Variants in SGMS1 observed in about 807,000 individuals in gnomAD.
The protein encoded by SGMS1 is phosphatidylcholine:ceramide cholinephosphotransferase 1.
SGMS1 carries 13 observed loss-of-function variants against 46.2 expected under a neutral mutation model. The observed-to-expected ratio is 0.28, with a 90% CI of 0.18 to 0.45. The LOEUF (loss-of-function observed/expected upper bound fraction) is 0.45, where lower values mean the gene tolerates loss of function less well. Ranked by LOEUF, SGMS1 falls within the 20% of genes least tolerant of loss-of-function variation. SGMS1 has a pLI of 1.00. For missense variants in SGMS1, 324 were observed against 519.9 expected (o/e 0.62, Z 3.66); for synonymous variants, 203 against 187.8 (o/e 1.08, Z -0.66).
intron 6 of SGMS1, among the ~76,000 whole-genome samples, chr10:50,398,071 T>C (rs1287240890): frequency 1.3e-5 from 2 of 152,222 alleles, no homozygotes; most frequent in African/African-American, 4.8e-5. Context: ...TTTTAGTATA[T>C]AGTTAATATC....
rs1847546975 is a variant in SGMS1 at position 50,327,258 on chromosome 10, T to C, written c.688A>G (p.Met230Val). 1.2e-6 allele frequency: 2 copies of C among 1,610,394 alleles called. No homozygotes were observed. The highest frequency in any genetic ancestry group is 1.3e-5 in the African/African-American group (1 of 74,828). ...GGTACTGGGAGTGTAGTTACATACA[T>C]TGTAATACACCGATACAGGTACAGC... ...GTLYLYRCITMYVTTLPVPGM... is the reference protein window; with the variant it reads ...GTLYLYRCITVYVTTLPVPGM... Residue 230 changes from methionine to valine, a missense_variant, in exon 8 of 11, where the codon ATG (methionine) becomes GTG (valine). Physicochemically the swap from Met to Val is conservative, Grantham distance 21. Coordinates refer to ENST00000361781, the MANE Select transcript of SGMS1 (RefSeq NM_147156.4).
At position 50,344,234 on chromosome 10, in the gene SGMS1, A is replaced by C. The variant is rs926153403; in HGVS notation, c.-120T>G. The C allele has an allele frequency of 3.6e-6, 5 of 1,374,492 alleles. No individual in the cohort carries two copies. The highest frequency in any genetic ancestry group is 4.9e-6 in the Non-Finnish European group (5 of 1,029,376). 85.1% of individuals were successfully genotyped at this position (1,374,492 alleles called of 1,614,324 possible). ...TCATCCTGTGGGGCCTCATGAGCAG[A>C]GACTTGTTTGGCAAGATGGTCAGGG... is the stretch of plus-strand genomic sequence containing the variant. On this transcript the variant is annotated 5_prime_UTR_variant, in exon 7 of 11. Transcript: ENST00000361781.
intron 6 of SGMS1, among the ~76,000 whole-genome samples, chr10:50,351,747 C>T (rs150294650): frequency 0.019 from 2,943 of 152,246 alleles, 113 homozygotes; most frequent in African/African-American, 0.067. Flanking sequence ...ACTGTAAGTC[C>T]AATTAAATAT....
At chr10:50,308,449 G>A (rs182240093) in intron 9 of SGMS1, among the ~76,000 whole-genome samples, 28 of 152,142 alleles carry the variant, frequency 1.8e-4, no homozygotes, top group African/African-American at 4.6e-4. Flanking sequence ...ATCATGTTTC[G>A]TTTTTAAAAA....
At chr10:50,385,657 C>T (rs10825837) in intron 6 of SGMS1, among the ~76,000 whole-genome samples, 4,109 of 149,896 alleles carry the variant, frequency 0.027, 89 homozygotes, top group East Asian at 0.059. Context: ...GATCTGATTA[C>T]AAAAAAAAAG....
chr10:50,313,555 AT>A (rs980225236), intron 8 of SGMS1, among the ~76,000 whole-genome samples: 25 of 152,102 alleles, frequency 1.6e-4, no homozygotes, highest in African/African-American at 5.3e-4. Context: ...AAACATTATA[AT>A]TTTTTTTAAA....
At chr10:50,554,644 C>T (rs1210076862) in intron 2 of SGMS1, among the ~76,000 whole-genome samples, 1 of 152,058 alleles carries the variant, frequency 6.6e-6, no homozygotes. Context: ...GGGGCTGGCC[C>T]CACCACAGCT....
At chr10:50,615,742 G>A (rs1838790728) in intron 1 of SGMS1, among the ~76,000 whole-genome samples, 1 of 152,250 alleles carries the variant, frequency 6.6e-6, no homozygotes, top group African/African-American at 2.4e-5. Context: ...ATTCTACTTG[G>A]TTTCTCCAGC....
chr10:50,575,538 T>C (rs975673189), intron 2 of SGMS1, among the ~76,000 whole-genome samples: 1 of 152,168 alleles, frequency 6.6e-6, no homozygotes, highest in Non-Finnish European at 1.5e-5. Flanking sequence ...AGTGAGATGC[T>C]GTTTCAAAAA....
At chr10:50,333,781 C>A (rs531995481) in intron 7 of SGMS1, among the ~76,000 whole-genome samples, 1 of 152,318 alleles carries the variant, frequency 6.6e-6, no homozygotes, top group East Asian at 1.9e-4. Context: ...GGTACCCATA[C>A]AGGGTAGATG....
intron 3 of SGMS1, among the ~76,000 whole-genome samples, chr10:50,488,320 C>A (rs1342690390): frequency 6.6e-6 from 1 of 151,894 alleles, no homozygotes; most frequent in Non-Finnish European, 1.5e-5. Context: ...CGGCCTATTT[C>A]CTGATTCTTA....
chr10:50,587,631 A>ATGTG (rs1415958432), intron 2 of SGMS1, among the ~76,000 whole-genome samples: 10,687 of 118,084 alleles, frequency 0.091, 572 homozygotes, highest in South Asian at 0.11. Context: ...CTCAAAATAT[A>ATGTG]TATGTGTGTG....
Position 50,307,026 on chromosome 10 carries a change from G to C in SGMS1, c.*116C>G. The C allele has an allele frequency of 9.6e-7, 1 of 1,043,956 alleles. No homozygotes were observed. The highest frequency in any genetic ancestry group is 3.1e-4 in the Middle Eastern group (1 of 3,180). 64.7% of individuals were successfully genotyped at this position (1,043,956 alleles called of 1,614,324 possible). ...CTGACCAGGTAACTCAATAGGTTAA[G>C]TCAAGGTAACCATTGAAAGATAATA... On this transcript the variant is annotated 3_prime_UTR_variant, in exon 11 of 11. Transcript: ENST00000361781. The surrounding 1 kb of genome is among the most constrained non-coding windows in gnomAD (Gnocchi z 4.2).
chr10:50,404,803 C>T (rs1848990574), intron 6 of SGMS1, among the ~76,000 whole-genome samples: 1 of 152,058 alleles, frequency 6.6e-6, no homozygotes, highest in Non-Finnish European at 1.5e-5. Flanking sequence ...CCCCCAATGG[C>T]AACTATTAAA....
At chr10:50,380,783 T>TA (rs34444234) in intron 6 of SGMS1, among the ~76,000 whole-genome samples, 56,458 of 152,032 alleles carry the variant, frequency 0.37, 10,673 homozygotes, top group African/African-American at 0.42. Context: ...TCTCTTTTTT[T>TA]AACTAAGTCT....
intron 7 of SGMS1, among the ~76,000 whole-genome samples, chr10:50,339,674 G>C (rs1847779883): frequency 6.6e-6 from 1 of 152,236 alleles, no homozygotes; most frequent in African/African-American, 2.4e-5. Flanking sequence ...CTAGTTGAAT[G>C]AATGAATGAA....
chr10:50,568,167 T>C (rs1838306545), intron 2 of SGMS1, among the ~76,000 whole-genome samples: 1 of 152,212 alleles, frequency 6.6e-6, no homozygotes, highest in African/African-American at 2.4e-5. Flanking sequence ...AAGAGCAATA[T>C]TTTTAAACAG....
chr10:50,412,995 T>C (rs754760156), intron 6 of SGMS1, among the ~76,000 whole-genome samples: 2 of 152,220 alleles, frequency 1.3e-5, no homozygotes, highest in Non-Finnish European at 2.9e-5. Context: ...CCTTTTATTT[T>C]TAATATTTTA....
chr10:50,497,820 G>T (rs1564928576), intron 3 of SGMS1, among the ~76,000 whole-genome samples: 3 of 152,030 alleles, frequency 2.0e-5, no homozygotes, highest in African/African-American at 4.8e-5. Context: ...AGATCCTTCA[G>T]TTGACAGGTC....
Sources: allele counts gnomAD v4.1 joint callset (sites outside exome capture counted in the v4.1 genomes callset), GRCh38; gene constraint gnomAD v4.1.1; non-coding constraint Gnocchi (gnomAD v3.1); transcripts MANE v1.5; gene names NCBI Gene and HGNC (gene_info 2026-07-23, HGNC 2026-07-21).